DAB1: variants seen among roughly 807,000 people sequenced by gnomAD.
DAB1 encodes DAB adaptor protein 1.
Under a neutral mutation model 64.6 loss-of-function variants are expected in DAB1, and 15 were observed. That is an observed-to-expected ratio of 0.23 (90% CI 0.16 to 0.36). The LOEUF (loss-of-function observed/expected upper bound fraction) is 0.36. Among genes scored for constraint, DAB1 ranks in the 10% least tolerant of loss-of-function variants. The pLI is 1.00. For missense variants in DAB1, 596 were observed against 706.7 expected (o/e 0.84, Z 1.78); for synonymous variants, 235 against 251.9 (o/e 0.93, Z 0.64).
intron 3 of DAB1, among the ~76,000 whole-genome samples, chr1:58,487,702 T>C (rs1645599765): frequency 6.6e-6 from 1 of 151,998 alleles, no homozygotes; most frequent in Non-Finnish European, 1.5e-5. Flanking sequence ...TTTAGTAATT[T>C]GTAATTTGTA....
At chr1:57,270,937 G>A (rs1197943020) in intron 2 of DAB1, among the ~76,000 whole-genome samples, 2 of 152,166 alleles carry the variant, frequency 1.3e-5, no homozygotes, top group African/African-American at 2.4e-5. Flanking sequence ...GCAGGGACTG[G>A]GGTGGGTGAG....
chr1:57,788,886 C>G (rs1175374822), intron 6 of DAB1, among the ~76,000 whole-genome samples: 1 of 152,162 alleles, frequency 6.6e-6, no homozygotes, highest in Non-Finnish European at 1.5e-5. Context: ...TATCTAAGAG[C>G]TGCCACCAAA....
chr1:58,204,903 T>C (rs908637158), intron 4 of DAB1, among the ~76,000 whole-genome samples: 1 of 152,312 alleles, frequency 6.6e-6, no homozygotes, highest in Middle Eastern at 3.4e-3. Context: ...CTATGAACCA[T>C]CAAAATCTAA....
intron 6 of DAB1, among the ~76,000 whole-genome samples, chr1:57,770,136 C>A (rs1217422330): frequency 5.3e-5 from 8 of 152,162 alleles, no homozygotes; most frequent in Non-Finnish European, 1.0e-4. Flanking sequence ...CATATCCCAG[C>A]TCTGATTCAA....
At chr1:57,023,677 G>A (rs1410170617) in intron 10 of DAB1, 38 bp from the exon 11 acceptor site, 1 of 1,355,536 alleles carries the variant, frequency 7.4e-7, no homozygotes, top group Non-Finnish European at 1.0e-6. Flanking sequence ...CATGAGACCT[G>A]GCTTAGCAGT....
chr1:57,836,794 C>T (rs764920740), intron 1 of DAB1, among the ~76,000 whole-genome samples: 48 of 152,124 alleles, frequency 3.2e-4, no homozygotes, highest in Non-Finnish European at 6.6e-4. Context: ...CTCCTGACAC[C>T]CTTCCTATCT....
chr1:58,121,868 C>T (rs1336766576), intron 5 of DAB1, among the ~76,000 whole-genome samples: 1 of 152,186 alleles, frequency 6.6e-6, no homozygotes. Flanking sequence ...TCACTCCTTT[C>T]CTTGCCTTCT....
At chr1:57,170,084 CATCCCAGGTTCAAGCG>C (rs1661594767) in intron 2 of DAB1, among the ~76,000 whole-genome samples, 1 of 151,834 alleles carries the variant, frequency 6.6e-6, no homozygotes, top group African/African-American at 2.4e-5. Flanking sequence ...GCAACCTCTG[CATCCCAGGTTCAAGCG>C]ATTCTCCTGC....
chr1:57,145,329 C>A lies in DAB1; in HGVS notation c.168G>T (p.Arg56=), dbSNP rs1659008358. The A allele has an allele frequency of 6.2e-7, 1 of 1,613,954 alleles. No individual in the cohort carries two copies. The highest frequency in any genetic ancestry group is 1.3e-5 in the African/African-American group (1 of 74,910). ...LIGIDEVSAA[R]GDKLCQDSMM... is the part of the protein sequence containing the mutation. ...TGGAATCTTGACATAACTTGTCTCC[C>A]CGAGCTGCGGAAACTTCATCAATCC... The change falls in exon 3 of 15, where the codon CGG becomes CGT. Residue 56 remains arginine, a synonymous_variant. Coordinates refer to ENST00000371236, the MANE Select transcript of DAB1 (RefSeq NM_001365792.1).
chr1:57,566,442 T>A (rs539466414), intron 7 of DAB1, among the ~76,000 whole-genome samples: 2 of 151,976 alleles, frequency 1.3e-5, no homozygotes, highest in African/African-American at 4.8e-5. Context: ...GAACTGAAGA[T>A]GATAGAGACA....
intron 3 of DAB1, among the ~76,000 whole-genome samples, chr1:58,479,527 C>G (rs2100344619): frequency 6.6e-6 from 1 of 152,294 alleles, no homozygotes; most frequent in Non-Finnish European, 1.5e-5. Context: ...GGGAGAGGTT[C>G]TACTCTCCTA....
chr1:57,119,818 T>C (rs1259811381), intron 4 of DAB1, among the ~76,000 whole-genome samples: 1 of 152,144 alleles, frequency 6.6e-6, no homozygotes, highest in Non-Finnish European at 1.5e-5. Context: ...ACCTAAGAGA[T>C]TGGGATTCCG....
At chr1:57,346,925 C>T (rs1451494005) in intron 1 of DAB1, among the ~76,000 whole-genome samples, 3 of 152,170 alleles carry the variant, frequency 2.0e-5, no homozygotes, top group Admixed American at 2.0e-4. Context: ...AGGCAGTGTT[C>T]GGTGCTTGGA....
chr1:57,601,189 A>G (rs1645572171), intron 7 of DAB1, among the ~76,000 whole-genome samples: 2 of 152,096 alleles, frequency 1.3e-5, no homozygotes. Context: ...TTCCCGAGAG[A>G]GTCAATCCAG....
At chr1:58,130,556 T>C (rs1050250388) in intron 5 of DAB1, among the ~76,000 whole-genome samples, 3 of 152,136 alleles carry the variant, frequency 2.0e-5, no homozygotes, top group Non-Finnish European at 4.4e-5. Context: ...CTAGTCTTGA[T>C]GGTCTTTACA....
intron 1 of DAB1, among the ~76,000 whole-genome samples, chr1:57,320,756 T>A (rs1675643138): frequency 6.6e-6 from 1 of 152,214 alleles, no homozygotes; most frequent in Non-Finnish European, 1.5e-5. Flanking sequence ...AGGATTATTC[T>A]AAGTACCCTA....
At chr1:58,534,135 T>C (rs766492771) in intron 1 of DAB1, 3 of 867,896 alleles carry the variant, frequency 3.5e-6, no homozygotes, top group Admixed American at 1.7e-5. Flanking sequence ...ACAATTACAA[T>C]GCGTTTGAGA....
intron 4 of DAB1, among the ~76,000 whole-genome samples, chr1:57,096,514 C>T (rs928003011): frequency 2.6e-5 from 4 of 152,152 alleles, no homozygotes; most frequent in South Asian, 4.1e-4. Flanking sequence ...TATGTTTCTG[C>T]TCTGCATCCC....
At chr1:57,613,236 GA>G (rs1183536785) in intron 7 of DAB1, among the ~76,000 whole-genome samples, 1 of 152,150 alleles carries the variant, frequency 6.6e-6, no homozygotes, top group African/African-American at 2.4e-5. Context: ...AGTTGTGAAT[GA>G]AAAGAAACTC....
Sources: allele counts gnomAD v4.1 joint callset (sites outside exome capture counted in the v4.1 genomes callset), GRCh38; gene constraint gnomAD v4.1.1; transcripts MANE v1.5; gene names NCBI Gene and HGNC (gene_info 2026-07-23, HGNC 2026-07-21).